The following MACROD2 variants were observed in gnomAD, a reference collection of about 807,000 sequenced individuals.
MACROD2 encodes the protein mono-ADP ribosylhydrolase 2, also known as ADP-ribose glycohydrolase MACROD2.
MACROD2 carries 36 observed loss-of-function variants against 70.4 expected under a neutral mutation model. The ratio of observed to expected loss-of-function variants is 0.51; its 90% CI spans 0.39 to 0.68. The LOEUF is 0.68. Among genes scored for constraint, MACROD2 ranks in the 30% least tolerant of loss-of-function variants. The pLI is 0.00. For synonymous variants in MACROD2, 172 were observed against 178.8 expected (o/e 0.96, Z 0.30); for missense variants, 496 against 538.4 (o/e 0.92, Z 0.78).
chr20:14,773,295 A>G (rs1053828431), intron 5 of MACROD2, among the ~76,000 whole-genome samples: 5 of 152,092 alleles, frequency 3.3e-5, no homozygotes, highest in African/African-American at 9.7e-5. Context: ...AAATTCTCCC[A>G]AAATCTAGTG....
chr20:14,337,670 G>A, intron 3 of MACROD2: 1 of 397,670 alleles, frequency 2.5e-6, no homozygotes, highest in Non-Finnish European at 4.4e-6. Flanking sequence ...TGAAGAAGGG[G>A]GTGATGTCAT....
intron 6 of MACROD2, among the ~76,000 whole-genome samples, chr20:15,279,065 G>T (rs977624251): frequency 1.3e-5 from 2 of 152,132 alleles, no homozygotes; most frequent in African/African-American, 2.4e-5. Context: ...TAATAAAAAA[G>T]AATGTCAGTT....
chr20:14,251,513 TG>T (rs1372658408), intron 3 of MACROD2, among the ~76,000 whole-genome samples: 1 of 152,034 alleles, frequency 6.6e-6, no homozygotes, highest in Non-Finnish European at 1.5e-5. Context: ...ATATTACAGA[TG>T]GAATACAGTC....
rs149498740 is a variant in MACROD2 at position 14,790,266 on chromosome 20, T to TAA, written c.418+105316_418+105317dup. On this transcript the variant is annotated intron_variant, in intron 5 of 17. Transcript: ENST00000684519. Reference sequence around the variant, plus strand: ...ATATCAGGTGATAATTTGGTTCATTTAAAAAAAAAACAAATATTTTACAGC... The same window carrying TAA: ...ATATCAGGTGATAATTTGGTTCATTTAAAAAAAAAAAACAAATATTTTACAGC... Among the ~76,000 whole-genome samples, 32 of 149,852 alleles carry TAA rather than the reference T, an allele frequency of 2.1e-4. No individual in the cohort carries two copies. The East Asian group carries it at 3.1e-3, about 15-fold the overall frequency.
chr20:14,516,943 A>T (rs2085107738), intron 4 of MACROD2, among the ~76,000 whole-genome samples: 1 of 152,262 alleles, frequency 6.6e-6, no homozygotes. Context: ...GAAAAAGCTC[A>T]TCATCACTGG....
chr20:14,165,148 C>G (rs1337755944), intron 3 of MACROD2, among the ~76,000 whole-genome samples: 1 of 152,104 alleles, frequency 6.6e-6, no homozygotes, highest in Non-Finnish European at 1.5e-5. Context: ...TGTGCCATGC[C>G]TGTTTAGGAC....
intron 5 of MACROD2, among the ~76,000 whole-genome samples, chr20:14,980,016 G>C (rs2074782591): frequency 6.6e-6 from 1 of 152,080 alleles, no homozygotes; most frequent in African/African-American, 2.4e-5. Flanking sequence ...ATAATGGCTA[G>C]CATTTATTGA....
chr20:14,016,687 A>G (rs1409944051), intron 2 of MACROD2, among the ~76,000 whole-genome samples: 1 of 152,118 alleles, frequency 6.6e-6, no homozygotes, highest in Non-Finnish European at 1.5e-5. Flanking sequence ...CTCGTGTTGA[A>G]AATCAATTTG....
At chr20:14,419,832 G>T (rs1372999867) in intron 3 of MACROD2, among the ~76,000 whole-genome samples, 1 of 151,500 alleles carries the variant, frequency 6.6e-6, no homozygotes, top group Admixed American at 6.6e-5. Flanking sequence ...TTGTTCCATT[G>T]AATCAATATA....
At chr20:15,952,947 T>A (rs1366842989) in intron 12 of MACROD2, among the ~76,000 whole-genome samples, 1 of 152,154 alleles carries the variant, frequency 6.6e-6, no homozygotes, top group Non-Finnish European at 1.5e-5. Context: ...AAGAGACTTT[T>A]CGAAAACTCT....
chr20:14,153,061 C>T (rs184424871), intron 3 of MACROD2, among the ~76,000 whole-genome samples: 1 of 152,188 alleles, frequency 6.6e-6, no homozygotes, highest in Admixed American at 6.5e-5. Context: ...ATAATCAACT[C>T]TTCATTTTCT....
intron 3 of MACROD2, among the ~76,000 whole-genome samples, chr20:14,453,592 A>C (rs1048699762): frequency 1.3e-5 from 2 of 152,104 alleles, no homozygotes; most frequent in African/African-American, 4.8e-5. Context: ...TGATGTGTCG[A>C]ATGTTGGACA....
Position 15,276,348 on chromosome 20 carries a change from C to T in MACROD2, c.540+46287C>T, listed in dbSNP as rs186187290. ...CCGGGAGGCGGAGCTTGCAGTGAGCCGAGATTGTGCCACTGCACTCTGGCC... is the reference window on the plus strand; with the variant it reads ...CCGGGAGGCGGAGCTTGCAGTGAGCTGAGATTGTGCCACTGCACTCTGGCC... On this transcript the variant is annotated intron_variant, in intron 6 of 17. Coordinates refer to ENST00000684519, the MANE Select transcript of MACROD2 (RefSeq NM_001351661.2). Among the ~76,000 whole-genome samples the T allele has an allele frequency of 1.2e-4, 17 of 147,520 alleles. No individual in the cohort carries two copies. In the East Asian group the frequency reaches 2.6e-3, roughly 22 times the overall value.
chr20:14,809,454 T>C (rs569366167), intron 5 of MACROD2, among the ~76,000 whole-genome samples: 1 of 152,206 alleles, frequency 6.6e-6, no homozygotes, highest in Non-Finnish European at 1.5e-5. Flanking sequence ...GGGAAATTTA[T>C]AGCACTAAAT....
intron 4 of MACROD2, among the ~76,000 whole-genome samples, chr20:14,555,769 A>G (rs1978990334): frequency 6.6e-6 from 1 of 152,016 alleles, no homozygotes; most frequent in African/African-American, 2.4e-5. Flanking sequence ...TAGCTTATAC[A>G]TGACTGTAAA....
rs546187449 is a variant in MACROD2, at chr20:15,902,673, C to T, written c.775+16862C>T. ...AAGGCAGCCGCCATGTATGAGGACC[C>T]CAGCTCTGTGAAAAGGTTCTCATGG... On this transcript the variant is annotated intron_variant, in intron 10 of 17. Transcript: ENST00000684519. Among the ~76,000 whole-genome samples, 7 of 152,148 alleles carry T rather than the reference C, an allele frequency of 4.6e-5. No homozygotes were observed. The South Asian group carries it at 1.2e-3, about 27-fold the overall frequency.
At chr20:14,006,617 C>G (rs536018277) in intron 2 of MACROD2, among the ~76,000 whole-genome samples, 2 of 151,978 alleles carry the variant, frequency 1.3e-5, no homozygotes, top group African/African-American at 4.8e-5. Context: ...TTTTCTTTTA[C>G]AATTGATTTG....
At chr20:15,453,190 G>A (rs1184056482) in intron 7 of MACROD2, among the ~76,000 whole-genome samples, 1 of 150,874 alleles carries the variant, frequency 6.6e-6, no homozygotes, top group Admixed American at 6.7e-5. Flanking sequence ...CAGCTGAAGG[G>A]ATGTACCTGA....
chr20:15,189,655 A>G (rs915581108), intron 5 of MACROD2, among the ~76,000 whole-genome samples: 1 of 152,180 alleles, frequency 6.6e-6, no homozygotes, highest in African/African-American at 2.4e-5. Flanking sequence ...ATGAGAATTC[A>G]GTAGGTGAAG....
Sources: allele counts gnomAD v4.1 joint callset (sites outside exome capture counted in the v4.1 genomes callset), GRCh38; gene constraint gnomAD v4.1.1; transcripts MANE v1.5; gene names NCBI Gene and HGNC (gene_info 2026-07-23, HGNC 2026-07-21).